Variants in TASP1 observed in about 807,000 individuals in gnomAD.
TASP1 encodes threonine aspartase 1.
TASP1 carries 16 observed loss-of-function variants against 56.6 expected under a neutral mutation model. The observed-to-expected ratio is 0.28, with a 90% CI of 0.19 to 0.43. The LOEUF (loss-of-function observed/expected upper bound fraction) is 0.43. TASP1 is among the 20% of genes least tolerant of loss of function. The pLI is 1.00. For missense variants in TASP1, 393 were observed against 511.6 expected (o/e 0.77, Z 2.24); for synonymous variants, 179 against 184.2 (o/e 0.97, Z 0.23).
the TASP1 span, among the ~76,000 whole-genome samples, chr20:13,262,584 A>G: frequency 6.6e-6 from 1 of 152,034 alleles, no homozygotes; most frequent in Non-Finnish European, 1.5e-5. Flanking sequence ...AACAGGACAT[A>G]AAAGAAATCG....
chr20:13,446,656 ATTC>A (rs2043422904), intron 11 of TASP1, among the ~76,000 whole-genome samples: 2 of 152,128 alleles, frequency 1.3e-5, no homozygotes, highest in African/African-American at 2.4e-5. Context: ...CCTAAAAAAA[ATTC>A]TTCTTATCAA....
the TASP1 span, among the ~76,000 whole-genome samples, chr20:13,360,573 A>T: frequency 0.011 from 1,622 of 143,484 alleles, 17 homozygotes; most frequent in African/African-American, 0.028. Flanking sequence ...CTTACTGTTT[A>T]AGCCTAGCCC....
the TASP1 span, among the ~76,000 whole-genome samples, chr20:13,156,825 A>C: frequency 7.7e-3 from 1,173 of 152,330 alleles, 14 homozygotes; most frequent in African/African-American, 0.027. Context: ...ACTGAGCGCA[A>C]GGTTGAATCA....
chr20:13,159,796 T>G, the TASP1 span, among the ~76,000 whole-genome samples: 2 of 152,102 alleles, frequency 1.3e-5, no homozygotes, highest in Admixed American at 1.3e-4. Flanking sequence ...CACACCATCA[T>G]GAGTGGCACC....
the TASP1 span, among the ~76,000 whole-genome samples, chr20:13,198,804 T>TTCTTTG: frequency 2.6e-5 from 1 of 39,100 alleles, no homozygotes; most frequent in Non-Finnish European, 8.1e-5. Context: ...CTTTCTTTCT[T>TTCTTTG]TCTTTCTTTC....
the TASP1 span, chr20:13,299,581 T>G: frequency 1.1e-6 from 1 of 932,514 alleles, no homozygotes; most frequent in South Asian, 1.6e-5. This position sits in a 1 kb window ranked among gnomAD's most constrained non-coding sequence, Gnocchi z 5.8. Flanking sequence ...ATATACCACA[T>G]GAGTATTTCT....
chr20:13,519,304 G>A (rs1488337949), intron 10 of TASP1, among the ~76,000 whole-genome samples: 4 of 151,940 alleles, frequency 2.6e-5, no homozygotes, highest in African/African-American at 9.7e-5. Flanking sequence ...TAACAAACCT[G>A]CAAATGTACC....
At chr20:13,473,338 G>T (rs991881282) in intron 11 of TASP1, among the ~76,000 whole-genome samples, 3 of 151,942 alleles carry the variant, frequency 2.0e-5, no homozygotes, top group Non-Finnish European at 4.4e-5. Context: ...GGCCTGTTGT[G>T]GGGTGGGGGG....
downstream of TASP1, among the ~76,000 whole-genome samples, chr20:13,388,875 C>T (rs1051229548): frequency 6.6e-6 from 1 of 152,172 alleles, no homozygotes; most frequent in African/African-American, 2.4e-5. Context: ...TTTTGGTTGT[C>T]TTTCCTTTAT....
At chr20:13,573,762 T>C (rs1302442732) in intron 6 of TASP1, among the ~76,000 whole-genome samples, 4 of 151,952 alleles carry the variant, frequency 2.6e-5, no homozygotes, top group African/African-American at 9.7e-5. Flanking sequence ...ATATAGAAAA[T>C]AACAGTTTTC....
chr20:13,216,767 G>A, the TASP1 span, among the ~76,000 whole-genome samples: 1 of 152,156 alleles, frequency 6.6e-6, no homozygotes, highest in African/African-American at 2.4e-5. Context: ...GGGTCAGGTA[G>A]GGACTCTGCT....
downstream of TASP1, among the ~76,000 whole-genome samples, chr20:13,387,400 T>C (rs1331116640): frequency 6.6e-6 from 1 of 152,094 alleles, no homozygotes; most frequent in Admixed American, 6.5e-5. Flanking sequence ...TTCACCATGT[T>C]GGCCAGGCCA....
At chr20:13,270,473 T>G in the TASP1 span, 1 of 1,588,608 alleles carries the variant, frequency 6.3e-7, no homozygotes, top group East Asian at 2.3e-5. Flanking sequence ...TGTGTCTCCT[T>G]AACAGGTGTT....
intron 10 of TASP1, among the ~76,000 whole-genome samples, chr20:13,498,038 T>A (rs796534227): frequency 5.3e-5 from 8 of 152,096 alleles, no homozygotes; most frequent in African/African-American, 1.7e-4. Flanking sequence ...GGAAATACCA[T>A]CCTGGACAAC....
At chr20:13,326,977 G>T in the TASP1 span, among the ~76,000 whole-genome samples, 6 of 152,306 alleles carry the variant, frequency 3.9e-5, no homozygotes, top group Admixed American at 2.0e-4. Context: ...ATCAGGAAGA[G>T]AAAGAAATAA....
intron 13 of TASP1, among the ~76,000 whole-genome samples, chr20:13,399,246 ACCT>A (rs2041652367): frequency 6.6e-6 from 1 of 151,974 alleles, no homozygotes; most frequent in African/African-American, 2.4e-5. Context: ...GTCTGTGTTC[ACCT>A]CCTTGGTGAT....
intron 6 of TASP1, among the ~76,000 whole-genome samples, chr20:13,574,119 TA>T (rs879792373): frequency 2.6e-3 from 363 of 141,404 alleles, no homozygotes; most frequent in Admixed American, 2.2e-3. Flanking sequence ...AATGAAAGTT[TA>T]AAAAAAAAAA....
At chr20:13,161,256 T>C in the TASP1 span, among the ~76,000 whole-genome samples, 2 of 152,144 alleles carry the variant, frequency 1.3e-5, no homozygotes, top group Non-Finnish European at 2.9e-5. Flanking sequence ...AGATAAGGTA[T>C]ACAGTAAGGA....
chr20:13,394,591 G>A (rs181710719), intron 13 of TASP1, among the ~76,000 whole-genome samples: 10 of 151,476 alleles, frequency 6.6e-5, no homozygotes, highest in South Asian at 2.1e-4. Flanking sequence ...CAGCCTGGGC[G>A]ACAGAGCGAG....
Sources: gnomAD v4.1 joint callset for allele counts (sites outside exome capture counted in the v4.1 genomes callset) on GRCh38, gnomAD v4.1.1 for gene constraint, Gnocchi (gnomAD v3.1) non-coding constraint, MANE v1.5 for transcripts, NCBI Gene and HGNC (gene_info 2026-07-23, HGNC 2026-07-21) for gene names.